TTC28: variants seen among roughly 807,000 people sequenced by gnomAD.
TTC28 encodes tetratricopeptide repeat protein 28.
A neutral mutation model predicts 198.0 loss-of-function variants in TTC28; 61 were observed. That is an observed-to-expected ratio of 0.31 (90% confidence interval 0.25 to 0.38). The LOEUF is 0.38. Ranked by LOEUF, TTC28 falls within the 10% of genes least tolerant of loss-of-function variation. TTC28 has a pLI of 1.00. For synonymous variants in TTC28, 1,171 were observed against 1,297.8 expected (o/e 0.90, Z 2.10); for missense variants, 2,678 against 3,164.0 (o/e 0.85, Z 3.69).
chr22:28,229,431 A>T (rs1569210859), intron 5 of TTC28, among the ~76,000 whole-genome samples: 1 of 152,238 alleles, frequency 6.6e-6, no homozygotes, highest in Admixed American at 6.5e-5. Context: ...GCCAGCAAAA[A>T]GCTGACTCCA....
Position 28,674,265 on chromosome 22 carries a change from GTTTTTTTTT to G in TTC28, c.102+5348_102+5356del, listed in dbSNP as rs943369337. 4.9e-3 allele frequency among the ~76,000 whole-genome samples: 524 copies of G among 107,654 alleles called. 1 individual carries two copies. Among genetic ancestry groups the G allele is most frequent in the Middle Eastern group, 9.8e-3 (2 of 204 alleles). The allele number at this position is 107,654 out of a possible 152,430, so 70.6% of individuals were successfully genotyped here. ...TTCTGTTTGTGGTTTTTTCTTTGTG[GTTTTTTTTT>G]TTTTTTTTTTTGGTCTGTGGTTTTG... is the stretch of plus-strand genomic sequence containing the variant. On this transcript the variant is annotated intron_variant, in intron 1 of 22. Transcript: ENST00000397906.
chr22:28,139,819 C>A (rs1353581443), intron 6 of TTC28, among the ~76,000 whole-genome samples: 2 of 152,024 alleles, frequency 1.3e-5, no homozygotes, highest in African/African-American at 4.8e-5. Context: ...TCTTTCCCCT[C>A]TGAAGTGCCA....
chr22:28,594,981 G>T (rs1259213682), intron 2 of TTC28, among the ~76,000 whole-genome samples: 1 of 152,048 alleles, frequency 6.6e-6, no homozygotes, highest in East Asian at 1.9e-4. Context: ...TAGACAGTAC[G>T]GACATTCTTT....
At chr22:28,580,926 C>T (rs2050224845) in intron 2 of TTC28, among the ~76,000 whole-genome samples, 1 of 151,842 alleles carries the variant, frequency 6.6e-6, no homozygotes, top group African/African-American at 2.4e-5. Flanking sequence ...AAATCAAATA[C>T]TCTCATTCTA....
Position 28,005,102 on chromosome 22 carries a change from G to A in TTC28, c.4219-3549C>T, listed in dbSNP as rs958511982. Among the ~76,000 whole-genome samples, 1 of 152,176 alleles carries A rather than the reference G, an allele frequency of 6.6e-6. No homozygotes were observed. Among genetic ancestry groups the A allele is most frequent in the Admixed American group, 6.5e-5 (1 of 15,280 alleles). On this transcript the variant is annotated intron_variant, in intron 14 of 22. Transcript: ENST00000397906. The surrounding 1 kb of genome is among the most constrained non-coding windows in gnomAD (Gnocchi z 4.9). ...GATTTCTGAAAGCAGAAGATGACAG[G>A]GCCAGGTGCACTAGAATCTGTCTCT...
At chr22:28,513,773 TACAG>T (rs1219141119) in intron 2 of TTC28, among the ~76,000 whole-genome samples, 1 of 152,126 alleles carries the variant, frequency 6.6e-6, no homozygotes, top group African/African-American at 2.4e-5. Context: ...CATATATCTA[TACAG>T]ACATATATGT....
In TTC28 at chr22:27,979,586, T is replaced by G. The variant is rs1334828197; in HGVS notation, c.*2635A>C. The G allele has an allele frequency of 6.6e-6, 1 of 152,164 alleles. No individual in the cohort carries two copies. Among genetic ancestry groups the G allele is most frequent in the Non-Finnish European group, 1.5e-5 (1 of 68,028 alleles). 9.4% of individuals were successfully genotyped at this position (152,164 alleles called of 1,614,324 possible). A position where few individuals can be genotyped will look rare whatever the true frequency, so the allele number is the denominator to read the frequency against. Reference sequence around the variant, plus strand: ...TATATAACCCTTTAAAAAGGTAACTTAGCTCATGGCTGTGAAAAACCAGAC... The same window carrying G: ...TATATAACCCTTTAAAAAGGTAACTGAGCTCATGGCTGTGAAAAACCAGAC... On this transcript the variant is annotated 3_prime_UTR_variant, in exon 23 of 23. Transcript: ENST00000397906.
intron 2 of TTC28, among the ~76,000 whole-genome samples, chr22:28,584,030 T>G (rs1376408573): frequency 1.3e-5 from 2 of 150,244 alleles, no homozygotes; most frequent in African/African-American, 4.9e-5. Context: ...TTTTTTTTTT[T>G]TTTGGCACAA....
At chr22:28,502,152 TA>T (rs1214574837) in intron 2 of TTC28, among the ~76,000 whole-genome samples, 2 of 152,242 alleles carry the variant, frequency 1.3e-5, no homozygotes, top group Non-Finnish European at 2.9e-5. Flanking sequence ...ATCTACCTGA[TA>T]CCTGTTAAGA....
chr22:28,465,905 G>A (rs1207810433), intron 2 of TTC28, among the ~76,000 whole-genome samples: 2 of 152,148 alleles, frequency 1.3e-5, no homozygotes, highest in African/African-American at 4.8e-5. Context: ...CAACCAGGAG[G>A]AAAGAGAAAG....
At chr22:28,214,193 G>A (rs1211150622) in intron 5 of TTC28, among the ~76,000 whole-genome samples, 1 of 152,128 alleles carries the variant, frequency 6.6e-6, no homozygotes, top group Admixed American at 6.5e-5. Flanking sequence ...AGAAAACCTA[G>A]GCAATACCAT....
At chr22:28,436,673 G>T (rs994034753) in intron 2 of TTC28, among the ~76,000 whole-genome samples, 1 of 152,188 alleles carries the variant, frequency 6.6e-6, no homozygotes, top group African/African-American at 2.4e-5. Flanking sequence ...AGGAACTCTC[G>T]TAAGCATTTT....
At chr22:28,178,327 C>A (rs1030325353) in intron 5 of TTC28, among the ~76,000 whole-genome samples, 1 of 149,420 alleles carries the variant, frequency 6.7e-6, no homozygotes, top group African/African-American at 2.5e-5. Context: ...ATTAGCCAAG[C>A]CTAGTGGCAC....
At chr22:28,563,004 TC>T (rs1335660061) in intron 2 of TTC28, among the ~76,000 whole-genome samples, 2 of 152,006 alleles carry the variant, frequency 1.3e-5, no homozygotes, top group Admixed American at 1.3e-4. Flanking sequence ...GTACCTGTAG[TC>T]CCAGCTACTT....
At chr22:28,577,891 G>T (rs894301482) in intron 2 of TTC28, among the ~76,000 whole-genome samples, 1 of 151,970 alleles carries the variant, frequency 6.6e-6, no homozygotes, top group African/African-American at 2.4e-5. Context: ...GGTAACAGAT[G>T]ATGGTGTCTT....
In TTC28 at chr22:28,105,323, T is replaced by A. The variant is rs1942261889; in HGVS notation, c.3263A>T (p.His1088Leu). The part of the protein sequence containing the change: ...VSYSSLGRTH[H>L]ALQNYSQAVM... ...TGCTTGGGAATAGTTCTGCAAGGCA[T>A]GATGGGTCCTTCCAAGGCTACTATA... The change falls in exon 8 of 23, where the codon CAT becomes CTT. Residue 1088 changes from histidine (H) to leucine (L), a missense_variant. Coordinates refer to ENST00000397906, the MANE Select transcript of TTC28 (RefSeq NM_001145418.2). The A allele has an allele frequency of 6.4e-7, 1 of 1,551,598 alleles. No homozygotes were observed. Among genetic ancestry groups the A allele is most frequent in the Admixed American group, 2.0e-5 (1 of 50,978 alleles).
intron 4 of TTC28, 124 bp from the exon 5 acceptor site, chr22:28,296,452 T>A: frequency 1.1e-6 from 1 of 902,630 alleles, no homozygotes; most frequent in Non-Finnish European, 1.5e-6. Flanking sequence ...ACTTATCTTC[T>A]ATTAGAAAAG....
At chr22:28,589,657 C>T (rs535494626) in intron 2 of TTC28, among the ~76,000 whole-genome samples, 1 of 152,210 alleles carries the variant, frequency 6.6e-6, no homozygotes, top group South Asian at 2.1e-4. Context: ...TTTATTTTAT[C>T]ACTCAAGATT....
At chr22:28,181,376 TA>T (rs1166007817) in intron 5 of TTC28, among the ~76,000 whole-genome samples, 1 of 152,198 alleles carries the variant, frequency 6.6e-6, no homozygotes, top group African/African-American at 2.4e-5. Context: ...GATTAGCTAT[TA>T]AGTGCAATTT....
Sources: gnomAD v4.1 joint callset for allele counts (sites outside exome capture counted in the v4.1 genomes callset) on GRCh38, gnomAD v4.1.1 for gene constraint, Gnocchi (gnomAD v3.1) non-coding constraint, MANE v1.5 for transcripts, NCBI Gene and HGNC (gene_info 2026-07-23, HGNC 2026-07-21) for gene names.